The following MCM9 variants were observed in gnomAD, a reference collection of about 807,000 sequenced individuals.
The protein encoded by MCM9 is minichromosome maintenance 9 homologous recombination repair factor, also known as DNA helicase MCM9.
Under a neutral mutation model 72.8 loss-of-function variants are expected in MCM9, and 55 were observed. That is an observed-to-expected ratio of 0.76 (90% CI 0.61 to 0.95). The LOEUF is 0.95. Among genes scored for constraint, MCM9 ranks in the 40% least tolerant of loss-of-function variants. The pLI is 0.00. For missense variants in MCM9, 1,279 were observed against 1,377.0 expected (o/e 0.93, Z 1.13); for synonymous variants, 480 against 503.4 (o/e 0.95, Z 0.62).
intron 8 of MCM9, among the ~76,000 whole-genome samples, chr6:118,856,896 G>T (rs1776589702): frequency 6.6e-6 from 1 of 151,938 alleles, no homozygotes; most frequent in Non-Finnish European, 1.5e-5. Flanking sequence ...AACAAAAAAG[G>T]CATATCTTAA....
chr6:118,900,722 G>A (rs1229213169), intron 8 of MCM9: 3 of 1,342,756 alleles, frequency 2.2e-6, no homozygotes, highest in Middle Eastern at 1.8e-4. Flanking sequence ...ATCTGGTAAT[G>A]TAATTACTGA....
Position 118,833,407 on chromosome 6 carries a change from C to T in MCM9, c.1326-4157G>A, listed in dbSNP as rs140037385. On this transcript the variant is annotated intron_variant, in intron 9 of 13. Transcript: ENST00000619706. ...GTAAATTTTCTCAGTTGTATAAAGT[C>T]ACTTAGATTGAGCATGAAATCTGCT... Among the ~76,000 whole-genome samples, 278 of 152,176 alleles carry T rather than the reference C, an allele frequency of 1.8e-3. 1 individual carries two copies. The highest frequency in any genetic ancestry group is 0.01 in the South Asian group (50 of 4,826).
intron 13 of MCM9, among the ~76,000 whole-genome samples, chr6:118,817,938 T>A (rs1164608644): frequency 6.6e-6 from 1 of 152,262 alleles, no homozygotes; most frequent in Admixed American, 6.5e-5. Context: ...ATGTCTTCTT[T>A]TGGGAAGTGT....
intron 8 of MCM9, among the ~76,000 whole-genome samples, chr6:118,885,278 C>T (rs1336261724): frequency 6.6e-6 from 1 of 151,870 alleles, no homozygotes; most frequent in Non-Finnish European, 1.5e-5. Context: ...GTAATCTAAG[C>T]TTCTACGTTA....
At chr6:118,923,029 C>CA (rs780562520) in intron 4 of MCM9, among the ~76,000 whole-genome samples, 3,059 of 40,774 alleles carry the variant, frequency 0.075, 145 homozygotes, top group African/African-American at 0.14. Flanking sequence ...AACTCCATCT[C>CA]AAAAAAAAAA....
intron 13 of MCM9, among the ~76,000 whole-genome samples, chr6:118,823,617 T>C (rs986937773): frequency 1.3e-5 from 2 of 152,194 alleles, no homozygotes; most frequent in African/African-American, 2.4e-5. Context: ...CTAATAAGGA[T>C]TGTAGTTCCC....
chr6:118,835,681 G>A (rs758237939), intron 9 of MCM9, among the ~76,000 whole-genome samples: 6 of 152,122 alleles, frequency 3.9e-5, no homozygotes, highest in Admixed American at 6.5e-5. Context: ...CAATGCTTGT[G>A]AATTTTTCAT....
At chr6:118,871,832 G>A (rs1176347156) in intron 8 of MCM9, among the ~76,000 whole-genome samples, 2 of 152,002 alleles carry the variant, frequency 1.3e-5, no homozygotes, top group Non-Finnish European at 2.9e-5. Flanking sequence ...GTTTGAGCCT[G>A]GGAGGCAAAG....
intron 9 of MCM9, among the ~76,000 whole-genome samples, chr6:118,835,187 T>C (rs1438948403): frequency 6.6e-6 from 1 of 152,200 alleles, no homozygotes; most frequent in Non-Finnish European, 1.5e-5. Flanking sequence ...CTGAGGTCTC[T>C]GTTCTGTTCC....
intron 9 of MCM9, among the ~76,000 whole-genome samples, chr6:118,846,461 T>C (rs1466673909): frequency 6.6e-6 from 1 of 151,656 alleles, no homozygotes; most frequent in Non-Finnish European, 1.5e-5. Context: ...GAGAATCCCA[T>C]GTAGAGTGGG....
intron 9 of MCM9, among the ~76,000 whole-genome samples, chr6:118,844,736 C>T (rs575126143): frequency 6.6e-6 from 1 of 151,840 alleles, no homozygotes; most frequent in Admixed American, 6.5e-5. Flanking sequence ...CTTTGAAACC[C>T]GCTGAACTCA....
At chr6:118,854,106 G>A (rs1380345910) in intron 9 of MCM9, among the ~76,000 whole-genome samples, 1 of 152,144 alleles carries the variant, frequency 6.6e-6, no homozygotes, top group Non-Finnish European at 1.5e-5. Flanking sequence ...TCACTTATAA[G>A]TTCTAGTAGC....
At chr6:118,865,176 G>C (rs1002046664) in intron 8 of MCM9, among the ~76,000 whole-genome samples, 1 of 152,014 alleles carries the variant, frequency 6.6e-6, no homozygotes, top group Non-Finnish European at 1.5e-5. Flanking sequence ...TGAAACCAGA[G>C]GGAACAAAGT....
intron 3 of MCM9, among the ~76,000 whole-genome samples, chr6:118,926,192 T>C (rs138698051): frequency 6.6e-6 from 1 of 152,304 alleles, no homozygotes; most frequent in Non-Finnish European, 1.5e-5. Context: ...TGACTTACAA[T>C]GGGGCTACAT....
intron 9 of MCM9, among the ~76,000 whole-genome samples, chr6:118,837,013 G>C (rs1461948684): frequency 6.6e-6 from 1 of 152,160 alleles, no homozygotes; most frequent in Non-Finnish European, 1.5e-5. Context: ...GGCATTTAGT[G>C]CTATAAATTT....
intron 8 of MCM9, among the ~76,000 whole-genome samples, chr6:118,867,165 C>CA (rs942570440): frequency 6.0e-5 from 9 of 151,116 alleles, no homozygotes; most frequent in East Asian, 3.9e-4. Context: ...ACCTCTTTTA[C>CA]AAAAAAAACG....
At position 118,932,902 on chromosome 6, in the gene MCM9, C is replaced by T. The variant is rs184367028; in HGVS notation, c.-149-162G>A. Among the ~76,000 whole-genome samples the T allele has an allele frequency of 6.5e-4, 99 of 152,318 alleles. 1 individual carries two copies. Among genetic ancestry groups the T allele is most frequent in the Admixed American group, 1.2e-3 (19 of 15,298 alleles). ...AAAGTATGTATCTACAGATAAAAAG[C>T]ACCTATCCCCATTCTAGTTTCATGT... On this transcript the variant is annotated intron_variant, in intron 1 of 13. Transcript: ENST00000619706.
chr6:118,901,835 TC>T (rs1440612365), intron 8 of MCM9, among the ~76,000 whole-genome samples: 4 of 152,194 alleles, frequency 2.6e-5, no homozygotes, highest in African/African-American at 9.7e-5. Flanking sequence ...ATCTAACTCT[TC>T]CTATGCCTGA....
At chr6:118,818,865 TA>T (rs1773592427) in intron 13 of MCM9, among the ~76,000 whole-genome samples, 1 of 152,200 alleles carries the variant, frequency 6.6e-6, no homozygotes, top group South Asian at 2.1e-4. Flanking sequence ...GTTGTATTCC[TA>T]GGTATTTTAT....
Sources: gnomAD v4.1 joint callset for allele counts (sites outside exome capture counted in the v4.1 genomes callset) on GRCh38, gnomAD v4.1.1 for gene constraint, MANE v1.5 for transcripts, NCBI Gene and HGNC (gene_info 2026-07-23, HGNC 2026-07-21) for gene names.